CRIM1: variants seen among roughly 807,000 people sequenced by gnomAD.
The protein encoded by CRIM1 is cysteine-rich motor neuron 1 protein.
CRIM1 carries 32 observed loss-of-function variants against 116.4 expected under a neutral mutation model. That is an observed-to-expected ratio of 0.27 (90% CI 0.21 to 0.37). The LOEUF is 0.37. Among genes scored for constraint, CRIM1 ranks in the 10% least tolerant of loss-of-function variants. The pLI is 1.00. For missense variants in CRIM1, 1,331 were observed against 1,354.8 expected, an observed-to-expected ratio of 0.98 and a Z score of 0.28; for synonymous variants, 590 against 509.2, an observed-to-expected ratio of 1.16 and a Z score of -2.13.
Position 36,380,203 on chromosome 2 carries a change from C to T in CRIM1, c.332-16411C>T, listed in dbSNP as rs532844452. Among the ~76,000 whole-genome samples the T allele has an allele frequency of 7.9e-5, 12 of 152,348 alleles. No individual in the cohort carries two copies. The South Asian group carries it at 2.3e-3, about 29-fold the overall frequency. ...AGTGCCAGGCCAGCTCTGCATCCTT[C>T]TCCACAAGACCAGGCTGAAGTCTGC... On this transcript the variant is annotated intron_variant, in intron 1 of 16. Transcript: ENST00000280527.
chr2:36,460,066 C>G (rs986956407), intron 4 of CRIM1, among the ~76,000 whole-genome samples: 3 of 151,952 alleles, frequency 2.0e-5, no homozygotes, highest in African/African-American at 7.3e-5. Context: ...CTCAGGCACT[C>G]AGGTGCCCAC....
At chr2:36,477,192 C>T in intron 6 of CRIM1, 121 bp downstream of exon 6, 1 of 779,472 alleles carries the variant, frequency 1.3e-6, no homozygotes, top group Non-Finnish European at 2.0e-6. Context: ...CTTTTTTAGC[C>T]TTTTTTAAGA....
chr2:36,457,216 C>T (rs768822565), intron 4 of CRIM1, among the ~76,000 whole-genome samples: 3 of 151,914 alleles, frequency 2.0e-5, no homozygotes, highest in African/African-American at 2.4e-5. Flanking sequence ...AGTTCTTTAG[C>T]GGTGATTTGT....
chr2:36,540,890 G>A (rs1014958376), intron 14 of CRIM1, among the ~76,000 whole-genome samples: 4 of 152,160 alleles, frequency 2.6e-5, no homozygotes, highest in Non-Finnish European at 5.9e-5. Context: ...AGTTTGATAA[G>A]AGAGAGTACA....
At chr2:36,438,258 A>G (rs1675484705) in intron 2 of CRIM1, among the ~76,000 whole-genome samples, 1 of 152,260 alleles carries the variant, frequency 6.6e-6, no homozygotes, top group South Asian at 2.1e-4. Context: ...ATTTTGTAAA[A>G]TAAAAATGTA....
At chr2:36,442,971 G>GT (rs1675976578) in intron 4 of CRIM1, among the ~76,000 whole-genome samples, 1 of 152,140 alleles carries the variant, frequency 6.6e-6, no homozygotes, top group African/African-American at 2.4e-5. Flanking sequence ...AAGGGTGCCT[G>GT]TACACTTTTG....
intron 1 of CRIM1, among the ~76,000 whole-genome samples, chr2:36,388,360 GTC>G (rs1181427289): frequency 5.3e-5 from 8 of 152,082 alleles, no homozygotes; most frequent in Non-Finnish European, 1.5e-5. Flanking sequence ...AGTCTAATTG[GTC>G]TGATAATGGA....
Position 36,509,998 on chromosome 2 carries a change from C to G in CRIM1, c.1517C>G (p.Ser506Ter). The G allele has an allele frequency of 6.2e-7, 1 of 1,613,898 alleles. No homozygotes were observed. ...GTCTTCACAGCCGAGGAACTATGTT[C>G]AGAACGTAAACAAGGCTGCACCTTG... is the stretch of plus-strand genomic sequence containing the variant. Reference protein sequence around the residue: ...CQCINTEELCSERKQGCTLNC... With the variant: ...CQCINTEELC Residue 506 changes from serine to a stop codon, truncating the protein, a stop_gained, in exon 9 of 17, where the codon TCA becomes TGA. Coordinates refer to ENST00000280527, the MANE Select transcript of CRIM1 (RefSeq NM_016441.3). LOFTEE classifies it high-confidence loss of function.
At chr2:36,357,709 C>G (rs1668946706) in intron 1 of CRIM1, among the ~76,000 whole-genome samples, 1 of 152,154 alleles carries the variant, frequency 6.6e-6, no homozygotes, top group Non-Finnish European at 1.5e-5. Flanking sequence ...CCGGGGGCAT[C>G]CTGGCGAGTG....
intron 6 of CRIM1, among the ~76,000 whole-genome samples, chr2:36,478,448 C>T (rs796757573): frequency 1.7e-4 from 26 of 152,312 alleles, no homozygotes; most frequent in African/African-American, 5.8e-4. Context: ...TTATGTCTCA[C>T]TTCCTGGAAT....
chr2:36,532,424 A>T (rs1167002289), intron 13 of CRIM1, among the ~76,000 whole-genome samples: 2 of 152,172 alleles, frequency 1.3e-5, no homozygotes, highest in Non-Finnish European at 2.9e-5. Context: ...TTAAACAGAG[A>T]TGTTCCTAAG....
rs187795108 is a variant in CRIM1 at position 36,498,189 on chromosome 2, G to A, written c.1373-1030G>A. Reference sequence around the variant, plus strand: ...TGCCTCTGTTCCCTTTGGCAACACCGTTCCCACAACCTGGCATTATATAAA... The same window carrying A: ...TGCCTCTGTTCCCTTTGGCAACACCATTCCCACAACCTGGCATTATATAAA... On this transcript the variant is annotated intron_variant, in intron 7 of 16. Transcript: ENST00000280527. Among the ~76,000 whole-genome samples, 5 of 152,282 alleles carry A rather than the reference G, an allele frequency of 3.3e-5. No homozygotes were observed. The East Asian group carries it at 7.7e-4, about 24-fold the overall frequency.
chr2:36,458,488 CT>C (rs1379534063), intron 4 of CRIM1, among the ~76,000 whole-genome samples: 16 of 152,076 alleles, frequency 1.1e-4, no homozygotes, highest in Non-Finnish European at 2.9e-5. Flanking sequence ...TGAAACATGC[CT>C]AGTGGTAGGG....
intron 13 of CRIM1, among the ~76,000 whole-genome samples, chr2:36,524,813 A>T (rs1665644345): frequency 6.6e-6 from 1 of 152,040 alleles, no homozygotes; most frequent in Non-Finnish European, 1.5e-5. Flanking sequence ...CTTTCTTTTT[A>T]TTTTTTATTT....
At chr2:36,421,905 T>G (rs7562348) in intron 2 of CRIM1, among the ~76,000 whole-genome samples, 25,488 of 152,084 alleles carry the variant, frequency 0.17, 2,258 homozygotes, top group East Asian at 0.29. Flanking sequence ...TTTTTGAAGT[T>G]GGATTTAATT....
intron 2 of CRIM1, among the ~76,000 whole-genome samples, chr2:36,425,340 T>C (rs976439488): frequency 2.6e-5 from 4 of 152,162 alleles, no homozygotes; most frequent in African/African-American, 9.7e-5. Context: ...AGAAATAATA[T>C]CAGAAGATCA....
At chr2:36,386,446 A>G (rs1267605530) in intron 1 of CRIM1, among the ~76,000 whole-genome samples, 1 of 152,226 alleles carries the variant, frequency 6.6e-6, no homozygotes, top group East Asian at 1.9e-4. Context: ...TTTCACAAGT[A>G]GGAAGACTGA....
intron 4 of CRIM1, among the ~76,000 whole-genome samples, chr2:36,444,855 C>T (rs1247499058): frequency 6.6e-6 from 1 of 152,208 alleles, no homozygotes; most frequent in African/African-American, 2.4e-5. Flanking sequence ...GCTTCTACCT[C>T]TCCTTCAAGA....
intron 1 of CRIM1, among the ~76,000 whole-genome samples, chr2:36,363,125 A>G (rs772285132): frequency 6.6e-5 from 10 of 151,276 alleles, no homozygotes; most frequent in African/African-American, 9.7e-5. Context: ...GCTTGAACCC[A>G]GGAAGCAGAG....
Sources: gnomAD v4.1 joint callset for allele counts (sites outside exome capture counted in the v4.1 genomes callset) on GRCh38, gnomAD v4.1.1 for gene constraint, MANE v1.5 for transcripts, NCBI Gene and HGNC (gene_info 2026-07-23, HGNC 2026-07-21) for gene names.